Variants in EML4 observed in about 807,000 individuals in gnomAD.
EML4 encodes the protein EMAP like 4.
Under a neutral mutation model 129.0 loss-of-function variants are expected in EML4, and 72 were observed. The observed-to-expected ratio is 0.56, with a 90% confidence interval of 0.46 to 0.68. EML4 has a LOEUF of 0.68. EML4 is among the 30% of genes least tolerant of loss of function. The pLI is 0.00. For missense variants in EML4, 1,363 were observed against 1,190.6 expected, an observed-to-expected ratio of 1.14 and a Z score of -2.13; for synonymous variants, 532 against 405.0, an observed-to-expected ratio of 1.31 and a Z score of -3.77.
chr2:42,256,528 C>T lies in EML4; in HGVS notation c.236C>T (p.Pro79Leu). Reference protein sequence around the residue: ...KGQPSPRAVIPMSCITNGSGA... With the variant: ...KGQPSPRAVILMSCITNGSGA... Reference sequence around the variant, plus strand: ...CAACCAAGCCCTCGAGCAGTTATTCCCATGTCCTGTATAACCAATGGAAGT... The same window carrying T: ...CAACCAAGCCCTCGAGCAGTTATTCTCATGTCCTGTATAACCAATGGAAGT... Residue 79 changes from proline to leucine, a missense_variant, in exon 3 of 23, where the codon CCC becomes CTC. Physicochemically the swap from Pro to Leu is moderately conservative, Grantham distance 98. Transcript: ENST00000318522. 3 of 1,611,192 alleles carry T rather than the reference C, an allele frequency of 1.9e-6. No individual in the cohort carries two copies. The highest frequency in any genetic ancestry group is 1.1e-5 in the South Asian group (1 of 90,648).
intron 2 of EML4, among the ~76,000 whole-genome samples, chr2:42,247,617 A>G (rs1463736088): frequency 6.6e-6 from 1 of 152,178 alleles, no homozygotes; most frequent in African/African-American, 2.4e-5. Flanking sequence ...AGACTTGATA[A>G]AAACCACTTT....
At chr2:42,208,085 AC>A (rs978925079) in intron 1 of EML4, 5 of 152,182 alleles carry the variant, frequency 3.3e-5, no homozygotes, top group African/African-American at 1.2e-4. Flanking sequence ...GTGGACAGGT[AC>A]AAATTACATT....
chr2:42,243,352 G>T (rs1675165387), intron 1 of EML4, among the ~76,000 whole-genome samples: 1 of 151,588 alleles, frequency 6.6e-6, no homozygotes, highest in Admixed American at 6.6e-5. Context: ...GACCACCGTG[G>T]AAGTGAAAAA....
chr2:42,239,657 A>G (rs1558529821), intron 1 of EML4, among the ~76,000 whole-genome samples: 1 of 151,872 alleles, frequency 6.6e-6, no homozygotes, highest in Non-Finnish European at 1.5e-5. Context: ...AAAGCTGGAA[A>G]CTATTTTGAG....
chr2:42,308,079 TAA>T (rs903782460), intron 17 of EML4, among the ~76,000 whole-genome samples: 1 of 152,234 alleles, frequency 6.6e-6, no homozygotes, highest in Non-Finnish European at 1.5e-5. Context: ...TTCATGTAAC[TAA>T]AGAGTAAGCA....
chr2:42,208,842 C>G (rs1024315008), intron 1 of EML4, among the ~76,000 whole-genome samples: 1 of 150,460 alleles, frequency 6.6e-6, no homozygotes, highest in Non-Finnish European at 1.5e-5. Context: ...AAATTTAAAG[C>G]TTGGTAAATT....
chr2:42,299,106 G>A (rs1668126742), intron 13 of EML4, among the ~76,000 whole-genome samples: 1 of 152,168 alleles, frequency 6.6e-6, no homozygotes, highest in Non-Finnish European at 1.5e-5. Context: ...AAATATTGAT[G>A]TAAGTGGAGA....
chr2:42,259,364 A>T (rs932674694), intron 3 of EML4, among the ~76,000 whole-genome samples: 2 of 152,112 alleles, frequency 1.3e-5, no homozygotes, highest in Non-Finnish European at 2.9e-5. Context: ...TATTGTCAAG[A>T]GTGTTTTCAG....
intron 6 of EML4, 196 bp downstream of exon 6, chr2:42,264,927 T>A (rs2104399753): frequency 6.4e-7 from 1 of 1,550,440 alleles, no homozygotes; most frequent in Non-Finnish European, 8.7e-7. Flanking sequence ...AGCAAAAATG[T>A]CAACTCGCGA....
chr2:42,205,150 A>G (rs373176037), intron 1 of EML4, among the ~76,000 whole-genome samples: 1 of 152,204 alleles, frequency 6.6e-6, no homozygotes, highest in South Asian at 2.1e-4. Context: ...AACAAAGATG[A>G]TTCATGCAGT....
At chr2:42,267,964 C>T (rs1666156888) in intron 6 of EML4, among the ~76,000 whole-genome samples, 2 of 152,170 alleles carry the variant, frequency 1.3e-5, no homozygotes, top group Admixed American at 6.5e-5. Context: ...TGGTGAGTTA[C>T]TGATTTTAAA....
intron 6 of EML4, among the ~76,000 whole-genome samples, chr2:42,267,108 T>G (rs184518332): frequency 3.9e-4 from 59 of 152,326 alleles, no homozygotes; most frequent in Non-Finnish European, 6.0e-4. Context: ...TCAACCTCCC[T>G]AAGTCTTTGT....
intron 6 of EML4, among the ~76,000 whole-genome samples, chr2:42,268,382 T>TCCTAGAA (rs1666183875): frequency 6.6e-6 from 1 of 152,144 alleles, no homozygotes; most frequent in South Asian, 2.1e-4. Flanking sequence ...CTGCAGGAGA[T>TCCTAGAA]CCTAGAACCA....
chr2:42,185,972 T>G (rs1039768748), intron 1 of EML4, among the ~76,000 whole-genome samples: 1 of 152,162 alleles, frequency 6.6e-6, no homozygotes, highest in African/African-American at 2.4e-5. Context: ...AATCAGGCAC[T>G]TTATGCATAT....
chr2:42,226,840 C>T lies in EML4; in HGVS notation c.26-18665C>T, dbSNP rs372752859. ...ATGTATCACAGTATCATGTTATACA[C>T]CATAAATATATACAACTTTTACTTG... On this transcript the variant is annotated intron_variant, in intron 1 of 22. Coordinates refer to ENST00000318522, the MANE Select transcript of EML4 (RefSeq NM_019063.5). Among the ~76,000 whole-genome samples, 88 of 151,710 alleles carry T rather than the reference C, an allele frequency of 5.8e-4. 2 individuals are homozygous for T. The East Asian group carries it at 0.012, about 20-fold the overall frequency.
In EML4 at chr2:42,317,538, T is replaced by G. The variant is rs766389979; in HGVS notation, c.2154+14T>G. 1.9e-6 allele frequency: 3 copies of G among 1,539,876 alleles called. No homozygotes were observed. The highest frequency in any genetic ancestry group is 1.2e-5 in the South Asian group (1 of 84,720). On this transcript the variant is annotated intron_variant, in intron 19 of 22. Transcript: ENST00000318522. ...GGAAGGTGCACTGTAAGTAGTGAAG[T>G]AGAACAAGTTGTAAAATTATTGGGA...
chr2:42,295,714 C>G (rs1197141914), intron 13 of EML4, among the ~76,000 whole-genome samples, 198 bp downstream of exon 13: 1 of 151,912 alleles, frequency 6.6e-6, no homozygotes, highest in African/African-American at 2.4e-5. Context: ...CTTATATAAC[C>G]CACATTTGAC....
intron 1 of EML4, among the ~76,000 whole-genome samples, chr2:42,187,053 G>A (rs1212576246): frequency 3.7e-5 from 5 of 135,828 alleles, no homozygotes; most frequent in African/African-American, 8.0e-5. Context: ...TTGGAGCGGG[G>A]GGGTGGGGGG....
At chr2:42,326,456 A>G (rs900833388) in intron 21 of EML4, among the ~76,000 whole-genome samples, 1 of 152,234 alleles carries the variant, frequency 6.6e-6, no homozygotes, top group Non-Finnish European at 1.5e-5. Context: ...TTGGTCCTTA[A>G]TATGAAAGAC....
Sources: allele counts gnomAD v4.1 joint callset (sites outside exome capture counted in the v4.1 genomes callset), GRCh38; gene constraint gnomAD v4.1.1; transcripts MANE v1.5; gene names NCBI Gene and HGNC (gene_info 2026-07-23, HGNC 2026-07-21).